Variants in L3MBTL4 observed in about 807,000 individuals in gnomAD.
L3MBTL4 encodes the protein lethal(3)malignant brain tumor-like protein 4.
In L3MBTL4, 70 loss-of-function variants were observed where a neutral mutation model predicts 84.5. The observed-to-expected ratio is 0.83, with a 90% CI of 0.68 to 1.01. The LOEUF is 1.01. L3MBTL4 is among the 50% of genes least tolerant of loss of function. L3MBTL4 has a pLI of 0.00. For missense variants in L3MBTL4, 715 were observed against 754.8 expected (o/e 0.95, Z 0.62); for synonymous variants, 274 against 259.8 (o/e 1.05, Z -0.52).
chr18:6,226,677 TA>T (rs1406401084), intron 10 of L3MBTL4, among the ~76,000 whole-genome samples: 1 of 152,112 alleles, frequency 6.6e-6, no homozygotes. Flanking sequence ...AGTGATATAA[TA>T]AAGTAGACTG....
intron 5 of L3MBTL4, among the ~76,000 whole-genome samples, chr18:6,253,182 C>T (rs1431382567): frequency 6.6e-6 from 1 of 151,848 alleles, no homozygotes; most frequent in African/African-American, 2.4e-5. Context: ...AGCCTGGCAA[C>T]AGAGCAAGAC....
chr18:6,145,583 C>A (rs1489214892), intron 13 of L3MBTL4, among the ~76,000 whole-genome samples: 1 of 144,874 alleles, frequency 6.9e-6, no homozygotes, highest in African/African-American at 2.6e-5. Context: ...ATTCATTTAG[C>A]AAGTTTTTTT....
intron 14 of L3MBTL4, among the ~76,000 whole-genome samples, chr18:6,121,387 T>C (rs2059520469): frequency 6.6e-6 from 1 of 152,186 alleles, no homozygotes; most frequent in Admixed American, 6.5e-5. Context: ...AAATGAATAT[T>C]AAATCTGACA....
At chr18:6,084,676 G>A (rs1234396030) in intron 15 of L3MBTL4, among the ~76,000 whole-genome samples, 1 of 152,168 alleles carries the variant, frequency 6.6e-6, no homozygotes, top group Admixed American at 6.5e-5. Context: ...TCTATTAGGG[G>A]ATGCAGACTT....
intron 14 of L3MBTL4, among the ~76,000 whole-genome samples, chr18:6,111,640 G>T (rs568290740): frequency 1.3e-5 from 2 of 152,160 alleles, no homozygotes; most frequent in Non-Finnish European, 2.9e-5. Flanking sequence ...TCTCTCCAGC[G>T]TGTGAACGAC....
rs990679992 is a variant in L3MBTL4, at chr18:6,414,824, G to T, written c.-114C>A. The T allele has an allele frequency of 1.3e-5, 2 of 151,122 alleles. No individual in the cohort carries two copies. The highest frequency in any genetic ancestry group is 2.1e-4 in the South Asian group (1 of 4,828). The allele number at this position is 151,122 out of a possible 1,614,324, so 9.4% of individuals were successfully genotyped here. A position where few individuals can be genotyped will look rare whatever the true frequency, so the allele number is the denominator to read the frequency against. On this transcript the variant is annotated 5_prime_UTR_variant, in exon 1 of 19. Transcript: ENST00000317931. This position sits in a 1 kb window ranked among gnomAD's most constrained non-coding sequence, Gnocchi z 5.4. ...ACCCCCAGCGGAGCGGCGCCTGCCC[G>T]CAACGCCGACCGAGCTACAGGCGGG...
chr18:6,206,991 G>A (rs2045903389), intron 12 of L3MBTL4, among the ~76,000 whole-genome samples: 1 of 152,114 alleles, frequency 6.6e-6, no homozygotes, highest in Admixed American at 6.5e-5. Flanking sequence ...TAAGACAGGG[G>A]TTGGCAGATT....
At chr18:5,957,271 T>C (rs1401572899) in intron 18 of L3MBTL4, among the ~76,000 whole-genome samples, 1 of 152,198 alleles carries the variant, frequency 6.6e-6, no homozygotes, top group Non-Finnish European at 1.5e-5. Context: ...ATGTATGGCA[T>C]GGGTGGTAAT....
chr18:6,263,184 G>A (rs374411779), intron 5 of L3MBTL4, among the ~76,000 whole-genome samples: 14 of 150,680 alleles, frequency 9.3e-5, no homozygotes, highest in African/African-American at 2.9e-4. Flanking sequence ...CAGGAGAATC[G>A]CTTGAACCAG....
At position 6,133,115 on chromosome 18, in the gene L3MBTL4, G is replaced by A. The variant is rs1402844429; in HGVS notation, c.1199+5079C>T. Among the ~76,000 whole-genome samples, 4 of 152,112 alleles carry A rather than the reference G, an allele frequency of 2.6e-5. No individual in the cohort carries two copies. The South Asian group carries it at 6.2e-4, about 24-fold the overall frequency. ...CAGTCACTTCACAGAAGTACCTGTC[G>A]CTCAAAATACTACAATGAGAGGGCA... On this transcript the variant is annotated intron_variant, in intron 14 of 18. Coordinates refer to ENST00000317931, the MANE Select transcript of L3MBTL4 (RefSeq NM_001330559.2).
chr18:6,017,141 GA>G (rs1454364879), intron 16 of L3MBTL4, among the ~76,000 whole-genome samples: 4 of 152,214 alleles, frequency 2.6e-5, no homozygotes, highest in Admixed American at 2.0e-4. Context: ...CTGGCAAAAA[GA>G]AAGAAGAAAA....
chr18:6,175,954 C>A (rs1188871977), intron 12 of L3MBTL4, among the ~76,000 whole-genome samples: 1 of 151,768 alleles, frequency 6.6e-6, no homozygotes. Context: ...TAAAAATTTC[C>A]TTTAGAATAA....
chr18:6,373,716 A>G (rs543672548), intron 1 of L3MBTL4, among the ~76,000 whole-genome samples: 1 of 152,086 alleles, frequency 6.6e-6, no homozygotes, highest in East Asian at 1.9e-4. Context: ...GTACAAGGGA[A>G]TTATAGTGCA....
intron 16 of L3MBTL4, among the ~76,000 whole-genome samples, chr18:6,025,423 A>G (rs948866486): frequency 6.6e-6 from 1 of 152,078 alleles, no homozygotes; most frequent in African/African-American, 2.4e-5. Context: ...CAAATCATAA[A>G]CTTCAGACAT....
chr18:6,239,654 GAAAA>G lies in L3MBTL4; in HGVS notation c.707+60_707+63del. On this transcript the variant is annotated intron_variant, in intron 9 of 18. Transcript: ENST00000317931. ...GCAAAAACAGCAACAGTGCTAGAAT[GAAAA>G]CAAATTCTTAACATCAAACATATGA... 6 of 1,548,096 alleles carry G rather than the reference GAAAA, an allele frequency of 3.9e-6. No individual in the cohort carries two copies. In the Admixed American group the frequency reaches 1.0e-4, roughly 26 times the overall value.
intron 13 of L3MBTL4, among the ~76,000 whole-genome samples, chr18:6,155,378 G>A (rs574576954): frequency 1.3e-5 from 2 of 152,244 alleles, no homozygotes; most frequent in South Asian, 2.1e-4. Context: ...ATAGTAGGGC[G>A]AGGCTACTGG....
intron 13 of L3MBTL4, among the ~76,000 whole-genome samples, chr18:6,143,974 G>T (rs1378678253): frequency 6.6e-6 from 1 of 152,052 alleles, no homozygotes; most frequent in Non-Finnish European, 1.5e-5. Flanking sequence ...AAGGGTGGCG[G>T]ATCACAAGGT....
In L3MBTL4 at chr18:5,983,694, C is replaced by T. The variant is rs558053849; in HGVS notation, c.1445-14132G>A. ...CACTGAGCACAGGATTGAGGAGTGA[C>T]GGAACACAATGGCAGTGATGAAAAC... is the stretch of plus-strand genomic sequence containing the variant. On this transcript the variant is annotated intron_variant, in intron 16 of 18. Coordinates refer to ENST00000317931, the MANE Select transcript of L3MBTL4 (RefSeq NM_001330559.2). Among the ~76,000 whole-genome samples the T allele has an allele frequency of 5.3e-5, 8 of 152,232 alleles. No homozygotes were observed. The East Asian group carries it at 5.8e-4, about 11-fold the overall frequency.
intron 1 of L3MBTL4, among the ~76,000 whole-genome samples, chr18:6,372,291 T>A (rs1033547875): frequency 1.3e-5 from 2 of 152,160 alleles, no homozygotes; most frequent in Non-Finnish European, 2.9e-5. Context: ...AGCTGCCCTA[T>A]GGGGATGTGT....
Sources: allele counts gnomAD v4.1 joint callset (sites outside exome capture counted in the v4.1 genomes callset), GRCh38; gene constraint gnomAD v4.1.1; non-coding constraint Gnocchi (gnomAD v3.1); transcripts MANE v1.5; gene names NCBI Gene and HGNC (gene_info 2026-07-23, HGNC 2026-07-21).